The following RARB variants were observed in gnomAD, a reference collection of about 807,000 sequenced individuals.
The protein encoded by RARB is retinoic acid receptor beta.
Under a neutral mutation model 51.9 loss-of-function variants are expected in RARB, and 17 were observed. That is an observed-to-expected ratio of 0.33 (90% confidence interval 0.22 to 0.49). The LOEUF is 0.49. RARB is among the 20% of genes least tolerant of loss of function. The pLI is 0.99. For synonymous variants in RARB, 215 were observed against 195.4 expected (o/e 1.10, Z -0.84); for missense variants, 369 against 550.8 (o/e 0.67, Z 3.30).
chr3:25,320,464 C>G (rs1233711034), intron 5 of RARB, among the ~76,000 whole-genome samples: 1 of 152,062 alleles, frequency 6.6e-6, no homozygotes, highest in African/African-American at 2.4e-5. Flanking sequence ...GACATACAAC[C>G]GAAAGTTTGG....
chr3:25,379,323 C>T (rs1237472130), intron 5 of RARB, among the ~76,000 whole-genome samples: 1 of 152,142 alleles, frequency 6.6e-6, no homozygotes, highest in Non-Finnish European at 1.5e-5. Flanking sequence ...CCACATCTTT[C>T]TACTATTTCT....
intron 4 of RARB, among the ~76,000 whole-genome samples, chr3:25,169,692 A>C (rs899639401): frequency 6.6e-6 from 1 of 152,124 alleles, no homozygotes; most frequent in Admixed American, 6.6e-5. Context: ...GAACCAATAG[A>C]TAAAAAAAAT....
chr3:25,367,619 C>G (rs1467965501), intron 5 of RARB, among the ~76,000 whole-genome samples: 1 of 148,948 alleles, frequency 6.7e-6, no homozygotes, highest in Non-Finnish European at 1.5e-5. Context: ...AGTTCGAGAC[C>G]AGCCTAAGCA....
intron 2 of RARB, among the ~76,000 whole-genome samples, chr3:24,933,956 A>AT (rs1457371464): frequency 3.9e-5 from 6 of 152,188 alleles, no homozygotes; most frequent in Admixed American, 1.3e-4. Flanking sequence ...ATACATTCTA[A>AT]TAAGAGAATA....
intron 2 of RARB, among the ~76,000 whole-genome samples, chr3:25,019,558 C>T (rs1386240177): frequency 6.6e-6 from 1 of 151,994 alleles, no homozygotes; most frequent in Non-Finnish European, 1.5e-5. Flanking sequence ...GCTTAATTTG[C>T]ATTAATACAT....
intron 5 of RARB, among the ~76,000 whole-genome samples, chr3:25,335,522 G>A (rs1202528314): frequency 1.3e-5 from 2 of 152,154 alleles, no homozygotes; most frequent in Non-Finnish European, 2.9e-5. Context: ...GCCAGGTTTG[G>A]CACCTCATTA....
chr3:25,312,968 G>A (rs771424778), intron 5 of RARB, among the ~76,000 whole-genome samples: 11 of 152,094 alleles, frequency 7.2e-5, no homozygotes, highest in Non-Finnish European at 1.0e-4. Flanking sequence ...CTGGATTCTC[G>A]AGGCATTTGA....
At chr3:25,242,621 T>C (rs978418046) in intron 5 of RARB, among the ~76,000 whole-genome samples, 2 of 152,176 alleles carry the variant, frequency 1.3e-5, no homozygotes, top group African/African-American at 4.8e-5. Flanking sequence ...TGGTTGTAGA[T>C]GTGTGGCGTT....
chr3:25,259,121 A>G (rs934648429), intron 5 of RARB: 18 of 954,802 alleles, frequency 1.9e-5, no homozygotes, highest in Non-Finnish European at 1.9e-5. Context: ...TGACAATAAC[A>G]CACCTCTCAA....
At chr3:25,078,056 T>C (rs1487476042) in intron 3 of RARB, among the ~76,000 whole-genome samples, 1 of 152,170 alleles carries the variant, frequency 6.6e-6, no homozygotes, top group Non-Finnish European at 1.5e-5. Flanking sequence ...TTATACATTC[T>C]AGATATAAAT....
intron 1 of RARB, among the ~76,000 whole-genome samples, chr3:25,450,246 A>G (rs765494410): frequency 1.3e-5 from 2 of 152,238 alleles, no homozygotes; most frequent in Non-Finnish European, 2.9e-5. Context: ...TAGTCGCATT[A>G]TTGATACGGA....
In RARB at chr3:25,493,239, A is replaced by G. The variant is rs538926356; in HGVS notation, c.307-7943A>G. Among the ~76,000 whole-genome samples, 6 of 152,248 alleles carry G rather than the reference A, an allele frequency of 3.9e-5. No homozygotes were observed. The East Asian group carries it at 1.2e-3, about 29-fold the overall frequency. ...CCCTCCCTCTCACCCATTGTCTTTC[A>G]GTGGGGTGAAAAGGTCTTCACTTTT... is the stretch of plus-strand genomic sequence containing the variant. On this transcript the variant is annotated intron_variant, in intron 2 of 7. Coordinates refer to ENST00000330688, the MANE Select transcript of RARB (RefSeq NM_000965.5).
chr3:25,180,224 A>G (rs1409517846), intron 5 of RARB, among the ~76,000 whole-genome samples: 11 of 152,204 alleles, frequency 7.2e-5, no homozygotes, highest in Admixed American at 7.2e-4. Context: ...AAGAATATAT[A>G]TAAAGAAGGA....
At chr3:25,200,454 C>T (rs1381583779) in intron 5 of RARB, among the ~76,000 whole-genome samples, 1 of 152,044 alleles carries the variant, frequency 6.6e-6, no homozygotes, top group Non-Finnish European at 1.5e-5. Context: ...TGATTAGATC[C>T]CATTTGTCAA....
intron 5 of RARB, among the ~76,000 whole-genome samples, chr3:25,358,587 G>T (rs974738580): frequency 6.6e-6 from 1 of 152,104 alleles, no homozygotes; most frequent in Non-Finnish European, 1.5e-5. Context: ...TTCCAGGTTT[G>T]CCCATTCAGT....
chr3:24,886,109 CTG>C (rs1703261068), intron 2 of RARB, among the ~76,000 whole-genome samples: 1 of 152,142 alleles, frequency 6.6e-6, no homozygotes, highest in Non-Finnish European at 1.5e-5. Context: ...CCCTAGGTCT[CTG>C]TAGAATATTC....
At chr3:24,944,981 T>A (rs1470625550) in intron 2 of RARB, among the ~76,000 whole-genome samples, 2 of 152,192 alleles carry the variant, frequency 1.3e-5, no homozygotes, top group African/African-American at 4.8e-5. Context: ...AAAGCAATGA[T>A]GAAGTGAAAA....
rs537073177 is a variant in RARB at position 25,087,428 on chromosome 3, A to G, written c.-328+27252A>G. On this transcript the variant is annotated intron_variant, in intron 3 of 11. Transcript: ENST00000383772. ...GTTCAGATTGTAGGTGGAAGAAGCC[A>G]TAATTCCTGGGTTCAAAACCAGAAT... Among the ~76,000 whole-genome samples, 26 of 152,288 alleles carry G rather than the reference A, an allele frequency of 1.7e-4. No homozygotes were observed. The South Asian group carries it at 5.0e-3, about 29-fold the overall frequency.
chr3:25,294,024 C>A (rs1024757644), intron 5 of RARB, among the ~76,000 whole-genome samples: 2 of 152,124 alleles, frequency 1.3e-5, no homozygotes. Flanking sequence ...GAGACAATAA[C>A]TTCGGAGGAG....
Sources: allele counts gnomAD v4.1 joint callset (sites outside exome capture counted in the v4.1 genomes callset), GRCh38; gene constraint gnomAD v4.1.1; transcripts MANE v1.5; gene names NCBI Gene and HGNC (gene_info 2026-07-23, HGNC 2026-07-21).